Variants in PSMD1 observed in about 807,000 individuals in gnomAD.
PSMD1 encodes the protein 26S proteasome non-ATPase regulatory subunit 1.
PSMD1 carries 18 observed loss-of-function variants against 119.0 expected under a neutral mutation model. The observed-to-expected ratio is 0.15, with a 90% CI of 0.10 to 0.22. The LOEUF is 0.22. Among genes scored for constraint, PSMD1 ranks in the 10% least tolerant of loss-of-function variants. The pLI is 1.00. For missense variants in PSMD1, 702 were observed against 1,158.5 expected, an observed-to-expected ratio of 0.61 and a Z score of 5.72; for synonymous variants, 374 against 396.6, an observed-to-expected ratio of 0.94 and a Z score of 0.68.
intron 16 of PSMD1, among the ~76,000 whole-genome samples, chr2:231,100,164 T>A (rs1694829172): frequency 6.6e-6 from 1 of 152,044 alleles, no homozygotes; most frequent in Non-Finnish European, 1.5e-5. Flanking sequence ...GCCCCCAAAT[T>A]GTTACATATA....
At chr2:231,121,408 G>A (rs1180045059) in intron 16 of PSMD1, among the ~76,000 whole-genome samples, 1 of 151,592 alleles carries the variant, frequency 6.6e-6, no homozygotes, top group African/African-American at 2.4e-5. Flanking sequence ...ATAAACATTT[G>A]GAAGAATGAA....
intron 16 of PSMD1, among the ~76,000 whole-genome samples, chr2:231,091,716 G>A (rs953560621): frequency 7.9e-5 from 12 of 152,214 alleles, no homozygotes; most frequent in South Asian, 2.1e-4. Flanking sequence ...TTTGTTGGGC[G>A]TGTAGATCTA....
chr2:231,077,245 G>A, intron 9 of PSMD1, 83 bp downstream of exon 9: 3 of 1,004,104 alleles, frequency 3.0e-6, no homozygotes, highest in Non-Finnish European at 2.7e-6. Flanking sequence ...ATTTCTTGTT[G>A]GATACTTTCT....
chr2:231,148,007 A>G (rs977500405), intron 18 of PSMD1, among the ~76,000 whole-genome samples: 2 of 152,208 alleles, frequency 1.3e-5, no homozygotes, highest in Admixed American at 6.5e-5. Flanking sequence ...TCTGTCTCAA[A>G]ATCATTTTCA....
At chr2:231,064,213 A>AT (rs1179010954) in intron 4 of PSMD1, among the ~76,000 whole-genome samples, 1 of 152,112 alleles carries the variant, frequency 6.6e-6, no homozygotes, top group African/African-American at 2.4e-5. Context: ...TGTAGGGCAC[A>AT]TTTTTTAAGA....
chr2:231,163,758 G>A (rs367807564), intron 21 of PSMD1, 31 bp downstream of exon 21: 9 of 1,500,430 alleles, frequency 6.0e-6, no homozygotes, highest in Non-Finnish European at 8.3e-6. Context: ...AGCAGCATTT[G>A]TACTTAAATA....
At chr2:231,082,484 A>C (rs999596653) in intron 12 of PSMD1, among the ~76,000 whole-genome samples, 1 of 152,180 alleles carries the variant, frequency 6.6e-6, no homozygotes, top group Admixed American at 6.5e-5. Context: ...TGGGTGGATC[A>C]CCTGAGGTCA....
In PSMD1 at chr2:231,131,747, G is replaced by C. The variant is rs1412278530; in HGVS notation, c.1884-6989G>C. On this transcript the variant is annotated intron_variant, in intron 16 of 24. Transcript: ENST00000308696. The stretch of plus-strand genomic sequence containing the variant: ...ACTGCACTCCAGCCTGGGCGACAGA[G>C]CGAGACTCCGTCTCAAAAAAAAAAA... 1.5e-5 allele frequency among the ~76,000 whole-genome samples: 2 copies of C among 131,762 alleles called. 1 individual carries two copies. Among genetic ancestry groups the C allele is most frequent in the East Asian group, 4.4e-4 (2 of 4,588 alleles). The allele number at this position is 131,762 out of a possible 152,430, so 86.4% of individuals were successfully genotyped here. A position where few individuals can be genotyped will look rare whatever the true frequency, so the allele number is the denominator to read the frequency against.
intron 24 of PSMD1, among the ~76,000 whole-genome samples, chr2:231,171,945 T>C (rs1215476214): frequency 6.6e-6 from 1 of 152,198 alleles, no homozygotes; most frequent in Non-Finnish European, 1.5e-5. Flanking sequence ...GTGTGTTAGA[T>C]ACTGACTAGC....
intron 5 of PSMD1, among the ~76,000 whole-genome samples, chr2:231,068,987 A>G (rs770963534): frequency 5.3e-5 from 8 of 152,234 alleles, no homozygotes; most frequent in African/African-American, 1.7e-4. Flanking sequence ...CATAATTTAT[A>G]TAGAGTTTGG....
intron 12 of PSMD1, among the ~76,000 whole-genome samples, chr2:231,082,364 C>T (rs1245693619): frequency 6.6e-6 from 1 of 152,234 alleles, no homozygotes. Context: ...CCAGTCCAGC[C>T]TCAGCTCACT....
intron 16 of PSMD1, 55 bp from the exon 17 acceptor site, chr2:231,138,681 C>G: frequency 7.5e-7 from 1 of 1,334,326 alleles, no homozygotes; most frequent in Non-Finnish European, 1.1e-6. Flanking sequence ...ACTCTTCTGT[C>G]TTAACTTAAA....
At chr2:231,096,776 T>C (rs1200467321) in intron 16 of PSMD1, among the ~76,000 whole-genome samples, 3 of 152,164 alleles carry the variant, frequency 2.0e-5, no homozygotes, top group Non-Finnish European at 4.4e-5. Flanking sequence ...CATTTCCCTA[T>C]TGGCTAGGGT....
chr2:231,155,235 AT>A (rs1041380743), intron 19 of PSMD1, among the ~76,000 whole-genome samples: 4 of 151,888 alleles, frequency 2.6e-5, no homozygotes, highest in African/African-American at 7.3e-5. Context: ...TTAAGGGAGC[AT>A]TTTTTTTCAC....
intron 4 of PSMD1, among the ~76,000 whole-genome samples, 181 bp from the exon 5 acceptor site, chr2:231,066,725 A>G (rs550869743): frequency 6.6e-6 from 1 of 152,206 alleles, no homozygotes; most frequent in African/African-American, 2.4e-5. Context: ...ATTAATGTGT[A>G]GTTCTCCGGT....
At chr2:231,060,781 A>G (rs1268579848) in intron 1 of PSMD1, among the ~76,000 whole-genome samples, 1 of 152,230 alleles carries the variant, frequency 6.6e-6, no homozygotes, top group East Asian at 1.9e-4. Context: ...AAATGCTCCC[A>G]TTTTTGTAAA....
intron 16 of PSMD1, among the ~76,000 whole-genome samples, chr2:231,132,840 A>G (rs1436635874): frequency 2.0e-5 from 3 of 152,218 alleles, no homozygotes; most frequent in Non-Finnish European, 4.4e-5. Flanking sequence ...GGTGATAGGA[A>G]CTGAAACAAG....
chr2:231,123,970 G>C (rs1033693716), intron 16 of PSMD1: 2 of 555,234 alleles, frequency 3.6e-6, no homozygotes, highest in Middle Eastern at 4.7e-4. Flanking sequence ...AGATATCCAA[G>C]TATTTATTAT....
At chr2:231,107,008 G>T (rs539031799) in intron 16 of PSMD1, among the ~76,000 whole-genome samples, 1 of 151,974 alleles carries the variant, frequency 6.6e-6, no homozygotes, top group Non-Finnish European at 1.5e-5. Context: ...AATAGAGAAT[G>T]ATTTTTTTTT....
Sources: allele counts gnomAD v4.1 joint callset (sites outside exome capture counted in the v4.1 genomes callset), GRCh38; gene constraint gnomAD v4.1.1; transcripts MANE v1.5; gene names NCBI Gene and HGNC (gene_info 2026-07-23, HGNC 2026-07-21).